NTNG1: variants seen among roughly 807,000 people sequenced by gnomAD.
NTNG1 encodes netrin G1.
NTNG1 carries 16 observed loss-of-function variants against 54.0 expected under a neutral mutation model. The observed-to-expected ratio is 0.30, with a 90% CI of 0.20 to 0.45. NTNG1 has a LOEUF of 0.45. NTNG1 is among the 20% of genes least tolerant of loss of function. The pLI is 1.00. For missense variants in NTNG1, 530 were observed against 678.7 expected (o/e 0.78, Z 2.43); for synonymous variants, 255 against 263.1 (o/e 0.97, Z 0.30).
intron 7 of NTNG1, chr1:107,460,481 A>T (rs1231454704): frequency 2.0e-6 from 1 of 508,704 alleles, no homozygotes. Flanking sequence ...CTATTTAGGA[A>T]ATGAAATTAT....
intron 2 of NTNG1, among the ~76,000 whole-genome samples, chr1:107,236,567 A>AAATGGT: frequency 6.6e-6 from 1 of 152,288 alleles, no homozygotes; most frequent in East Asian, 1.9e-4. Context: ...CTAGGCTGAA[A>AAATGGT]AATGGTTTAT....
In NTNG1 at chr1:107,280,853, C is replaced by CTTATTTTATTTTATT. The variant is rs71275980; in HGVS notation, c.247-43392_247-43378dup. On this transcript the variant is annotated intron_variant, in intron 2 of 7. Coordinates refer to ENST00000370068, the MANE Select transcript of NTNG1 (RefSeq NM_001113226.3). The stretch of plus-strand genomic sequence containing the variant: ...ATTTATTTCACAAACAGTCCTCTGA[C>CTTATTTTATTTTATT]TTATTTTATTTTATTTTATTTTATT... 3.0e-3 allele frequency among the ~76,000 whole-genome samples: 440 copies of CTTATTTTATTTTATT among 145,222 alleles called. 2 individuals are homozygous for CTTATTTTATTTTATT. The highest frequency in any genetic ancestry group is 0.011 in the African/African-American group (414 of 39,222).
intron 3 of NTNG1, among the ~76,000 whole-genome samples, chr1:107,392,784 G>A (rs186085871): frequency 4.3e-4 from 66 of 152,218 alleles, no homozygotes; most frequent in Non-Finnish European, 7.1e-4. Flanking sequence ...CTTAAGATGG[G>A]AGAGGCTTGT....
chr1:107,270,407 T>C (rs1664063304), intron 2 of NTNG1, among the ~76,000 whole-genome samples: 1 of 152,206 alleles, frequency 6.6e-6, no homozygotes, highest in African/African-American at 2.4e-5. Context: ...GCTCTTTGAA[T>C]TTTCATCTCA....
chr1:107,243,191 T>C (rs74108666), intron 2 of NTNG1, among the ~76,000 whole-genome samples: 2,549 of 152,334 alleles, frequency 0.017, 68 homozygotes, highest in African/African-American at 0.057. Context: ...CTGTGCAGGC[T>C]TTATACTTGT....
chr1:107,456,717 C>G (rs777323518), intron 7 of NTNG1, among the ~76,000 whole-genome samples: 17 of 152,200 alleles, frequency 1.1e-4, no homozygotes, highest in Non-Finnish European at 2.4e-4. Flanking sequence ...CATTTGGTTT[C>G]ATGTTTGTCC....
chr1:107,377,817 C>T (rs545085083), intron 3 of NTNG1, among the ~76,000 whole-genome samples: 2 of 152,352 alleles, frequency 1.3e-5, no homozygotes, highest in East Asian at 1.9e-4. Flanking sequence ...ATCAGACTTA[C>T]GTCACTAACC....
intron 7 of NTNG1, among the ~76,000 whole-genome samples, chr1:107,465,228 G>A (rs779246254): frequency 4.2e-4 from 64 of 152,086 alleles, no homozygotes; most frequent in Non-Finnish European, 8.8e-5. Context: ...TGAGAATCCC[G>A]TTAGGTGCCA....
intron 5 of NTNG1, among the ~76,000 whole-genome samples, chr1:107,429,175 C>T (rs890915180): frequency 4.6e-5 from 7 of 152,008 alleles, no homozygotes; most frequent in Non-Finnish European, 8.8e-5. Context: ...ACTGGGGTCC[C>T]GAAGTTGCTG....
intron 2 of NTNG1, among the ~76,000 whole-genome samples, chr1:107,303,493 C>A (rs572473652): frequency 6.7e-6 from 1 of 150,052 alleles, no homozygotes; most frequent in South Asian, 2.1e-4. Context: ...GATGCTAACA[C>A]CTTAGTTCTA....
chr1:107,421,079 T>A, intron 5 of NTNG1: 1 of 1,603,024 alleles, frequency 6.2e-7, no homozygotes, highest in Non-Finnish European at 8.5e-7. Flanking sequence ...TTTAAACCTA[T>A]CCAGTTGCTC....
rs756391842 is a variant in NTNG1, at chr1:107,324,862, T to G, written c.827T>G (p.Val276Gly). 5 of 1,613,512 alleles carry G rather than the reference T, an allele frequency of 3.1e-6. No individual in the cohort carries two copies. In the East Asian group the frequency reaches 1.1e-4, roughly 36 times the overall value. Residue 276 changes from valine (V) to glycine (G), a missense_variant, in exon 3 of 8, where the codon GTA (valine) becomes GGA (glycine). By Grantham distance (109) the Val-to-Gly change is moderately radical. Around this residue, in one of 2 missense-constraint regions of NTNG1, gnomAD observed 318 missense variants for 465.1 expected, o/e 0.68. Transcript: ENST00000370068. ...AGACCAGCCGTTGGGGAAATATTTG[T>G]AGATGAGCTACACTTGGCACGCTAC... ...LLRPAVGEIF[V>G]DELHLARYFY...
At chr1:107,232,802 T>C (rs541454221) in intron 2 of NTNG1, among the ~76,000 whole-genome samples, 1 of 152,304 alleles carries the variant, frequency 6.6e-6, no homozygotes, top group South Asian at 2.1e-4. Flanking sequence ...TATAATAGTC[T>C]AGTCAAAATG....
At chr1:107,180,812 T>C (rs746929318) in intron 2 of NTNG1, among the ~76,000 whole-genome samples, 2 of 152,206 alleles carry the variant, frequency 1.3e-5, no homozygotes, top group Non-Finnish European at 2.9e-5. Context: ...AATGGATATA[T>C]GTGTCCATTG....
chr1:107,140,557 G>C (rs905617517), upstream of NTNG1, among the ~76,000 whole-genome samples: 2 of 152,070 alleles, frequency 1.3e-5, no homozygotes, highest in African/African-American at 4.8e-5. Flanking sequence ...GACTTGAGTG[G>C]AGGAATGCGC....
At chr1:107,251,463 A>G (rs1302398917) in intron 2 of NTNG1, among the ~76,000 whole-genome samples, 1 of 152,164 alleles carries the variant, frequency 6.6e-6, no homozygotes, top group Non-Finnish European at 1.5e-5. Flanking sequence ...TTTGTAATCC[A>G]GAATCAGCTT....
chr1:107,312,576 TAAC>T (rs2101840423), intron 2 of NTNG1, among the ~76,000 whole-genome samples: 1 of 152,260 alleles, frequency 6.6e-6, no homozygotes, highest in East Asian at 1.9e-4. Context: ...CCATGCCTCT[TAAC>T]AAACACTATA....
At chr1:107,410,871 G>A (rs1302378466) in intron 5 of NTNG1, among the ~76,000 whole-genome samples, 1 of 152,064 alleles carries the variant, frequency 6.6e-6, no homozygotes, top group Non-Finnish European at 1.5e-5. Flanking sequence ...AGCATAATTA[G>A]ACCAGCAAGA....
At chr1:107,237,671 C>A (rs1200522101) in intron 2 of NTNG1, among the ~76,000 whole-genome samples, 2 of 152,162 alleles carry the variant, frequency 1.3e-5, no homozygotes, top group Non-Finnish European at 2.9e-5. Context: ...GCTACCCCAG[C>A]TGTGGCTGAA....
Sources: gnomAD v4.1 joint callset for allele counts (sites outside exome capture counted in the v4.1 genomes callset) on GRCh38, gnomAD v4.1.1 for gene constraint, gnomAD v4.1.1 regional missense constraint, MANE v1.5 for transcripts, NCBI Gene and HGNC (gene_info 2026-07-23, HGNC 2026-07-21) for gene names.